Variants in CNTN5 observed in about 807,000 individuals in gnomAD.
CNTN5 encodes the protein contactin-5.
A neutral mutation model predicts 129.1 loss-of-function variants in CNTN5; 77 were observed. The ratio of observed to expected loss-of-function variants is 0.60; its 90% CI spans 0.50 to 0.72. The LOEUF (loss-of-function observed/expected upper bound fraction) is 0.72. Ranked by LOEUF, CNTN5 falls within the 30% of genes least tolerant of loss-of-function variation. CNTN5 has a pLI of 0.00. For synonymous variants in CNTN5, 509 were observed against 465.6 expected (o/e 1.09, Z -1.20); for missense variants, 1,478 against 1,328.8 (o/e 1.11, Z -1.75).
At chr11:99,887,849 T>C (rs1478357356) in intron 6 of CNTN5, among the ~76,000 whole-genome samples, 1 of 152,220 alleles carries the variant, frequency 6.6e-6, no homozygotes, top group East Asian at 1.9e-4. Context: ...GCCATGCTGG[T>C]AGCTCATTAG....
Position 99,761,965 on chromosome 11 carries a change from T to A in CNTN5, c.56-57579T>A, listed in dbSNP as rs542732695. 1.1e-3 allele frequency among the ~76,000 whole-genome samples: 125 copies of A among 114,910 alleles called. 5 individuals are homozygous for A. The highest frequency in any genetic ancestry group is 3.5e-3 in the African/African-American group (116 of 32,766). The allele number at this position is 114,910 out of a possible 152,430, so 75.4% of individuals were successfully genotyped here. Reference sequence around the variant, plus strand: ...TCTTAATGATTGCCATTCTAACTGGTGTGAGATGGTATCTCATTGTGGTTT... The same window carrying A: ...TCTTAATGATTGCCATTCTAACTGGAGTGAGATGGTATCTCATTGTGGTTT... On this transcript the variant is annotated intron_variant, in intron 3 of 24. Transcript: ENST00000524871.
chr11:99,764,546 A>G (rs1340064872), intron 3 of CNTN5, among the ~76,000 whole-genome samples: 1 of 152,026 alleles, frequency 6.6e-6, no homozygotes, highest in Non-Finnish European at 1.5e-5. Context: ...CTTCCCAAGT[A>G]GCTGGGATTA....
chr11:99,820,037 G>A (rs1946746886), intron 4 of CNTN5, among the ~76,000 whole-genome samples: 1 of 152,170 alleles, frequency 6.6e-6, no homozygotes, highest in African/African-American at 2.4e-5. Context: ...CATAGAGACT[G>A]GGAGATAGAG....
In CNTN5 at chr11:99,129,625, A is replaced by G. The variant is rs1431866479; in HGVS notation, c.-210+108355A>G. 2.0e-5 allele frequency among the ~76,000 whole-genome samples: 3 copies of G among 152,124 alleles called. No homozygotes were observed. In the East Asian group the frequency reaches 5.8e-4, roughly 29 times the overall value. Reference sequence around the variant, plus strand: ...AAAATCCAGAGAAACCCAGTAAGATATTCCACGAGAAGATCTACTGCAAGA... The same window carrying G: ...AAAATCCAGAGAAACCCAGTAAGATGTTCCACGAGAAGATCTACTGCAAGA... On this transcript the variant is annotated intron_variant, in intron 1 of 24. Coordinates refer to ENST00000524871, the MANE Select transcript of CNTN5 (RefSeq NM_014361.4).
chr11:99,721,206 CT>C (rs1943159771), intron 3 of CNTN5, among the ~76,000 whole-genome samples: 1 of 152,122 alleles, frequency 6.6e-6, no homozygotes, highest in Admixed American at 6.5e-5. Flanking sequence ...AGGGACAAAG[CT>C]TTTGGCATCA....
intron 1 of CNTN5, among the ~76,000 whole-genome samples, chr11:99,303,074 A>G (rs1455267822): frequency 1.3e-5 from 2 of 151,798 alleles, no homozygotes; most frequent in Non-Finnish European, 3.0e-5. Flanking sequence ...ATAACTAGTC[A>G]TTATTCATGT....
intron 15 of CNTN5, 42 bp downstream of exon 15, chr11:100,193,705 A>C (rs1169794811): frequency 6.4e-7 from 1 of 1,558,524 alleles, no homozygotes; most frequent in South Asian, 1.2e-5. Context: ...TGATAACTTT[A>C]GAAATTTTGA....
rs895764430 is a variant in CNTN5 at position 99,711,657 on chromosome 11, G to A, written c.56-107887G>A. Among the ~76,000 whole-genome samples the A allele has an allele frequency of 3.5e-4, 53 of 151,902 alleles. 1 individual carries two copies. Among genetic ancestry groups the A allele is most frequent in the Middle Eastern group, 3.4e-3 (1 of 294 alleles). On this transcript the variant is annotated intron_variant, in intron 3 of 24. Coordinates refer to ENST00000524871, the MANE Select transcript of CNTN5 (RefSeq NM_014361.4). Reference sequence around the variant, plus strand: ...GCCCCCCACCCCTTGACAGGTGCTGGTGTGTGATGTCCCCTTCCCTGTGTC... The same window carrying A: ...GCCCCCCACCCCTTGACAGGTGCTGATGTGTGATGTCCCCTTCCCTGTGTC...
Position 100,043,151 on chromosome 11 carries a change from T to C in CNTN5, c.981-18061T>C, listed in dbSNP as rs112419584. ...ATGCTCTCAAATATTTTTTAAATCT[T>C]AAACACTTACAAAAAGAAAATGAAT... On this transcript the variant is annotated intron_variant, in intron 9 of 24. Coordinates refer to ENST00000524871, the MANE Select transcript of CNTN5 (RefSeq NM_014361.4). Among the ~76,000 whole-genome samples, 7 of 152,340 alleles carry C rather than the reference T, an allele frequency of 4.6e-5. 1 individual carries two copies. The highest frequency in any genetic ancestry group is 1.7e-4 in the African/African-American group (7 of 41,588).
At chr11:99,725,856 A>T (rs1943319853) in intron 3 of CNTN5, among the ~76,000 whole-genome samples, 1 of 152,206 alleles carries the variant, frequency 6.6e-6, no homozygotes, top group African/African-American at 2.4e-5. Context: ...GATTTTGATG[A>T]CCAGGCTTTC....
At chr11:99,239,501 A>G (rs910216493) in intron 1 of CNTN5, among the ~76,000 whole-genome samples, 11 of 152,152 alleles carry the variant, frequency 7.2e-5, no homozygotes, top group Admixed American at 7.2e-4. Flanking sequence ...TTGTTGAAGG[A>G]CGGAAAATTA....
At chr11:99,104,136 A>G (rs1866882992) in intron 1 of CNTN5, among the ~76,000 whole-genome samples, 1 of 152,210 alleles carries the variant, frequency 6.6e-6, no homozygotes, top group Non-Finnish European at 1.5e-5. Context: ...ACATGGAGGT[A>G]GACGTGGGAT....
At chr11:99,373,083 G>A (rs1409220865) in intron 2 of CNTN5, among the ~76,000 whole-genome samples, 2 of 151,792 alleles carry the variant, frequency 1.3e-5, no homozygotes, top group African/African-American at 4.8e-5. Context: ...GTGGCACATG[G>A]CTGTAATCCC....
intron 2 of CNTN5, among the ~76,000 whole-genome samples, chr11:99,355,327 C>T (rs1938570368): frequency 6.6e-6 from 1 of 152,106 alleles, no homozygotes; most frequent in African/African-American, 2.4e-5. Context: ...GAATACTAAA[C>T]AATGAGTAAA....
chr11:99,704,526 T>C (rs1162352467), intron 3 of CNTN5, among the ~76,000 whole-genome samples: 2 of 151,132 alleles, frequency 1.3e-5, no homozygotes, highest in South Asian at 2.1e-4. Flanking sequence ...AAATGTTTTG[T>C]CCTTTTACTA....
chr11:99,253,178 G>A (rs183318287), intron 1 of CNTN5, among the ~76,000 whole-genome samples: 18 of 152,126 alleles, frequency 1.2e-4, no homozygotes, highest in African/African-American at 4.1e-4. Context: ...TAGTGAATAA[G>A]TCTCACGAGA....
intron 8 of CNTN5, among the ~76,000 whole-genome samples, chr11:99,996,989 C>A (rs997956409): frequency 2.0e-5 from 3 of 152,130 alleles, no homozygotes. Flanking sequence ...CAAACCATAT[C>A]ATTCTACCCC....
chr11:99,421,698 G>T (rs1184971064), intron 2 of CNTN5, among the ~76,000 whole-genome samples: 2 of 152,074 alleles, frequency 1.3e-5, no homozygotes, highest in African/African-American at 4.8e-5. Flanking sequence ...ACATTTAGGG[G>T]TAATTTCTGC....
At chr11:100,149,334 A>C (rs1946967008) in intron 13 of CNTN5, among the ~76,000 whole-genome samples, 1 of 152,164 alleles carries the variant, frequency 6.6e-6, no homozygotes, top group Non-Finnish European at 1.5e-5. Context: ...AATGCAGTAA[A>C]ATTAAATATC....
Sources: gnomAD v4.1 joint callset for allele counts (sites outside exome capture counted in the v4.1 genomes callset) on GRCh38, gnomAD v4.1.1 for gene constraint, MANE v1.5 for transcripts, NCBI Gene and HGNC (gene_info 2026-07-23, HGNC 2026-07-21) for gene names.